Variants in LIPA observed in about 807,000 individuals in gnomAD.
LIPA encodes lipase A, lysosomal acid type.
A neutral mutation model predicts 40.6 loss-of-function variants in LIPA; 26 were observed. The observed-to-expected ratio is 0.64, with a 90% CI of 0.47 to 0.89. The LOEUF (loss-of-function observed/expected upper bound fraction) is 0.89, where lower values mean the gene tolerates loss of function less well. Ranked by LOEUF, LIPA falls within the 40% of genes least tolerant of loss-of-function variation. The pLI, the probability that LIPA is intolerant of heterozygous loss-of-function variation, is 0.00. For synonymous variants in LIPA, 188 were observed against 168.4 expected, an observed-to-expected ratio of 1.12 and a Z score of -0.90; for missense variants, 455 against 479.6, an observed-to-expected ratio of 0.95 and a Z score of 0.48.
intron 3 of LIPA, among the ~76,000 whole-genome samples, chr10:89,235,843 T>C (rs1488505505): frequency 6.6e-6 from 1 of 152,226 alleles, no homozygotes; most frequent in East Asian, 1.9e-4. Flanking sequence ...TTTTCTAAAG[T>C]GAGAATGACG....
chr10:89,352,788 TAAAAA>T (rs34514402), intron 2 of LIPA, among the ~76,000 whole-genome samples: 1 of 113,142 alleles, frequency 8.8e-6, no homozygotes, highest in African/African-American at 3.2e-5. Flanking sequence ...ACTACAAAGA[TAAAAA>T]AAAAAAAAAA....
At chr10:89,340,821 AG>A in intron 1 of LIPA, 1 of 152,304 alleles carries the variant, frequency 6.6e-6, no homozygotes, top group Non-Finnish European at 1.5e-5. Flanking sequence ...TGGAACTCAA[AG>A]ATTAACTTTT....
At chr10:89,383,284 C>G in intron 2 of LIPA, 1 of 1,556,706 alleles carries the variant, frequency 6.4e-7, no homozygotes, top group Non-Finnish European at 8.8e-7. Context: ...TGAATACTTT[C>G]TCAAAATGTA....
intron 2 of LIPA, among the ~76,000 whole-genome samples, chr10:89,354,735 T>G (rs1843980590): frequency 6.6e-6 from 1 of 152,122 alleles, no homozygotes; most frequent in Non-Finnish European, 1.5e-5. Flanking sequence ...GCCCTGCTAA[T>G]TTTTGTATTT....
At chr10:89,308,877 TGTCATATA>T (rs2133524474) in intron 1 of LIPA, 1 of 152,310 alleles carries the variant, frequency 6.6e-6, no homozygotes, top group East Asian at 1.9e-4. Flanking sequence ...TTCCTGAAAA[TGTCATATA>T]TTTTCATTAA....
chr10:89,266,321 G>A (rs1020035057), intron 1 of LIPA, among the ~76,000 whole-genome samples: 1 of 104,246 alleles, frequency 9.6e-6, no homozygotes, highest in African/African-American at 4.9e-5. Context: ...AAATGACTGT[G>A]TATTGGTAGC....
upstream of LIPA, among the ~76,000 whole-genome samples, chr10:89,252,797 C>G (rs1843146929): frequency 8.4e-6 from 1 of 118,984 alleles, no homozygotes; most frequent in African/African-American, 3.6e-5. Context: ...CAGAGTGAGA[C>G]TCCATCCCCC....
intron 3 of LIPA, among the ~76,000 whole-genome samples, chr10:89,240,772 T>C (rs1227561314): frequency 6.6e-6 from 1 of 152,154 alleles, no homozygotes; most frequent in Non-Finnish European, 1.5e-5. Context: ...GTTGTGTTCG[T>C]GGACTCCTAG....
intron 5 of LIPA, among the ~76,000 whole-genome samples, chr10:89,225,613 A>G (rs1053711245): frequency 1.3e-5 from 2 of 152,122 alleles, no homozygotes; most frequent in African/African-American, 4.8e-5. Flanking sequence ...CAATTTACAG[A>G]CACCACGTTG....
At chr10:89,317,500 GA>G (rs1246016619) in intron 1 of LIPA, among the ~76,000 whole-genome samples, 5 of 152,186 alleles carry the variant, frequency 3.3e-5, no homozygotes, top group Non-Finnish European at 7.3e-5. Flanking sequence ...AATGAAGTGA[GA>G]AGAGAAGTTT....
At chr10:89,394,027 G>C (rs1015202059) in intron 2 of LIPA, among the ~76,000 whole-genome samples, 2 of 152,134 alleles carry the variant, frequency 1.3e-5, no homozygotes, top group Non-Finnish European at 2.9e-5. Context: ...TTATAAGGCA[G>C]GTACTTACAC....
chr10:89,414,548 G>T (rs1262204549), exon 1 of LIPA: 5 of 451,844 alleles, frequency 1.1e-5, no homozygotes, highest in African/African-American at 2.1e-5. Context: ...CTTACGTTTA[G>T]TTTCGATTTC....
chr10:89,373,113 C>G (rs1844100987), intron 2 of LIPA, among the ~76,000 whole-genome samples: 1 of 151,676 alleles, frequency 6.6e-6, no homozygotes. Context: ...GCGGGCGGAT[C>G]ATGAGGTCAG....
chr10:89,382,383 C>A (rs1186052351), intron 2 of LIPA, among the ~76,000 whole-genome samples: 1 of 152,190 alleles, frequency 6.6e-6, no homozygotes, highest in Non-Finnish European at 1.5e-5. Flanking sequence ...GGACAAATTT[C>A]TTTTTCTTCC....
chr10:89,226,835 A>C (rs1842775575), intron 5 of LIPA, 60 bp downstream of exon 5: 1 of 1,007,618 alleles, frequency 9.9e-7, no homozygotes, highest in Non-Finnish European at 1.6e-6. Flanking sequence ...ACTTTTAAGA[A>C]AAGTACAAAC....
At chr10:89,289,886 G>C (rs915272424) in intron 1 of LIPA, among the ~76,000 whole-genome samples, 4 of 151,310 alleles carry the variant, frequency 2.6e-5, no homozygotes, top group Non-Finnish European at 5.9e-5. Flanking sequence ...ATCAATCTCA[G>C]TCACTCTCTC....
intron 1 of LIPA, among the ~76,000 whole-genome samples, chr10:89,299,881 A>C (rs1204025552): frequency 6.6e-6 from 1 of 152,244 alleles, no homozygotes; most frequent in Non-Finnish European, 1.5e-5. Context: ...AACTAAAAAT[A>C]GAATTTTCAT....
In LIPA at chr10:89,227,528, C is replaced by T. The variant is rs547354515; in HGVS notation, c.429-524G>A. Among the ~76,000 whole-genome samples, 217 of 152,284 alleles carry T rather than the reference C, an allele frequency of 1.4e-3. 2 individuals carry two copies. The Middle Eastern group carries it at 0.02, about 14-fold the overall frequency. ...TGGTTTTAAAAATGGGAAGCAAGCC[C>T]GGAGGCTGCTATAGTGCTGCTGACT... On this transcript the variant is annotated intron_variant, in intron 4 of 9. Transcript: ENST00000336233.
intron 1 of LIPA, among the ~76,000 whole-genome samples, chr10:89,413,709 G>C (rs996704280): frequency 1.3e-5 from 2 of 149,896 alleles, no homozygotes; most frequent in Admixed American, 1.3e-4. Context: ...TGAGGCTGCA[G>C]TGAGCTGTCA....
Sources: gnomAD v4.1 joint callset for allele counts (sites outside exome capture counted in the v4.1 genomes callset) on GRCh38, gnomAD v4.1.1 for gene constraint, MANE v1.5 for transcripts, NCBI Gene and HGNC (gene_info 2026-07-23, HGNC 2026-07-21) for gene names.